Variants in FSD1L observed in about 807,000 individuals in gnomAD.
FSD1L encodes FSD1-like protein.
FSD1L carries 45 observed loss-of-function variants against 71.6 expected under a neutral mutation model. The observed-to-expected ratio is 0.63, with a 90% CI of 0.49 to 0.81. FSD1L has a LOEUF of 0.81. FSD1L is among the 30% of genes least tolerant of loss of function. The pLI is 0.00. For missense variants in FSD1L, 561 were observed against 618.1 expected (o/e 0.91, Z 0.98); for synonymous variants, 197 against 207.2 (o/e 0.95, Z 0.42).
intron 10 of FSD1L, chr9:105,524,690 T>G: frequency 1.2e-6 from 2 of 1,613,982 alleles, no homozygotes; most frequent in Non-Finnish European, 1.7e-6. Flanking sequence ...TGCGCTCTCC[T>G]GACTCAGAAC....
At chr9:105,460,228 A>T (rs770849247) in intron 1 of FSD1L, among the ~76,000 whole-genome samples, 3 of 152,184 alleles carry the variant, frequency 2.0e-5, no homozygotes, top group African/African-American at 7.2e-5. Context: ...TTAGGCCAAT[A>T]CAGTTGAAAA....
intron 7 of FSD1L, among the ~76,000 whole-genome samples, chr9:105,485,533 G>GTTTTTTT (rs34268568): frequency 2.3e-4 from 18 of 79,400 alleles, no homozygotes; most frequent in East Asian, 4.2e-4. Context: ...TTGGTTAGGT[G>GTTTTTTT]TTTTTTTTTT....
rs575581298 is a variant in FSD1L, at chr9:105,521,894, A to G, written c.1025+8958A>G. ...TTCTTCTTGAACCTGCAAATGAAATAAAAAATCTTCTGGATGAACACACAG... is the reference window on the plus strand; with the variant it reads ...TTCTTCTTGAACCTGCAAATGAAATGAAAAATCTTCTGGATGAACACACAG... On this transcript the variant is annotated intron_variant, in intron 10 of 13. Coordinates refer to ENST00000481272, the MANE Select transcript of FSD1L (RefSeq NM_001145313.3). The G allele has an allele frequency of 9.5e-4, 1,524 of 1,612,394 alleles. 1 individual carries two copies. The highest frequency in any genetic ancestry group is 2.0e-3 in the Admixed American group (119 of 60,006).
chr9:105,489,253 G>A (rs1330097167), intron 7 of FSD1L, among the ~76,000 whole-genome samples: 1 of 151,842 alleles, frequency 6.6e-6, no homozygotes, highest in East Asian at 1.9e-4. Context: ...GCCTTTTTTG[G>A]GGCCCACTGA....
chr9:105,507,163 C>A (rs1834104876), intron 8 of FSD1L, among the ~76,000 whole-genome samples: 1 of 152,154 alleles, frequency 6.6e-6, no homozygotes, highest in African/African-American at 2.4e-5. Flanking sequence ...TTACCCATTT[C>A]ACTGATAATG....
intron 10 of FSD1L, chr9:105,524,124 T>C (rs777194143): frequency 1.9e-5 from 30 of 1,612,272 alleles, no homozygotes; most frequent in Non-Finnish European, 2.5e-5. Flanking sequence ...TCCTGCACGA[T>C]GTGTAGCACT....
chr9:105,522,238 G>A (rs1211408377), intron 10 of FSD1L: 1 of 1,612,964 alleles, frequency 6.2e-7, no homozygotes, highest in Non-Finnish European at 8.5e-7. Flanking sequence ...GCCACTGAGT[G>A]GTCACTGACT....
At chr9:105,520,537 C>A in intron 10 of FSD1L, 1 of 1,218,326 alleles carries the variant, frequency 8.2e-7, no homozygotes, top group Admixed American at 1.7e-5. Context: ...TTTACAACTT[C>A]TTCCAGAAAG....
chr9:105,504,616 C>T (rs570688630), intron 7 of FSD1L, among the ~76,000 whole-genome samples: 8 of 152,134 alleles, frequency 5.3e-5, no homozygotes, highest in South Asian at 2.1e-4. Flanking sequence ...CTAGCACCTT[C>T]GTTGAATTAC....
intron 7 of FSD1L, among the ~76,000 whole-genome samples, chr9:105,501,066 A>G (rs890783155): frequency 7.9e-5 from 12 of 152,216 alleles, no homozygotes; most frequent in African/African-American, 2.9e-4. Flanking sequence ...GTGCTTCTCA[A>G]ACTTTAAAGT....
chr9:105,476,664 A>G (rs998522097), intron 5 of FSD1L, among the ~76,000 whole-genome samples: 1 of 152,174 alleles, frequency 6.6e-6, no homozygotes, highest in Admixed American at 6.5e-5. Context: ...CTTTCTGCCA[A>G]TTTTGTAATT....
chr9:105,521,118 G>T, intron 10 of FSD1L: 1 of 1,613,728 alleles, frequency 6.2e-7, no homozygotes, highest in Non-Finnish European at 8.5e-7. Flanking sequence ...TGAAACCAAT[G>T]AAGCAATCTA....
chr9:105,448,058 G>A lies in FSD1L; in HGVS notation c.-163G>A, dbSNP rs1316540557. The stretch of plus-strand genomic sequence containing the variant: ...CCTTTCACCCTGGCAACCGCGGCGT[G>A]ACTACGGCGCGCGCGGTCTGGGCGC... On this transcript the variant is annotated 5_prime_UTR_variant, in exon 1 of 14. Coordinates refer to ENST00000481272, the MANE Select transcript of FSD1L (RefSeq NM_001145313.3). The A allele has an allele frequency of 1.3e-6, 1 of 760,318 alleles. No homozygotes were observed. The highest frequency in any genetic ancestry group is 1.9e-5 in the African/African-American group (1 of 53,898). 47.1% of individuals were successfully genotyped at this position (760,318 alleles called of 1,614,324 possible).
intron 1 of FSD1L, among the ~76,000 whole-genome samples, chr9:105,451,153 G>A (rs896362675): frequency 2.0e-5 from 3 of 152,130 alleles, no homozygotes; most frequent in East Asian, 1.9e-4. Context: ...TAGAGACGGG[G>A]TTTCATCATG....
intron 1 of FSD1L, among the ~76,000 whole-genome samples, chr9:105,455,737 T>C (rs1830317611): frequency 6.6e-6 from 1 of 152,196 alleles, no homozygotes; most frequent in African/African-American, 2.4e-5. Context: ...CCATAAAATG[T>C]GAAGACTCAT....
At chr9:105,520,677 A>G (rs1305615886) in intron 10 of FSD1L, 7 of 1,613,258 alleles carry the variant, frequency 4.3e-6, no homozygotes, top group South Asian at 1.1e-5. Flanking sequence ...TCTTCAGAAT[A>G]ACTGTAGCAA....
At chr9:105,455,391 G>T (rs1174835395) in intron 1 of FSD1L, among the ~76,000 whole-genome samples, 1 of 151,212 alleles carries the variant, frequency 6.6e-6, no homozygotes, top group Non-Finnish European at 1.5e-5. Flanking sequence ...TGGAGTCGAT[G>T]GAGGGGTTCA....
intron 3 of FSD1L, 53 bp from the exon 4 acceptor site, chr9:105,468,140 T>G: frequency 7.8e-7 from 1 of 1,283,294 alleles, no homozygotes; most frequent in Non-Finnish European, 1.0e-6. Context: ...CTTTTAGGTT[T>G]TAAATGTTTG....
At chr9:105,463,362 T>C (rs1251118926) in intron 2 of FSD1L, among the ~76,000 whole-genome samples, 2 of 152,210 alleles carry the variant, frequency 1.3e-5, no homozygotes, top group African/African-American at 4.8e-5. Context: ...GCATTTGATT[T>C]TTTTCTGAGA....
Sources: gnomAD v4.1 joint callset for allele counts (sites outside exome capture counted in the v4.1 genomes callset) on GRCh38, gnomAD v4.1.1 for gene constraint, MANE v1.5 for transcripts, NCBI Gene and HGNC (gene_info 2026-07-23, HGNC 2026-07-21) for gene names.